The following GRM7 variants were observed in gnomAD, a reference collection of about 807,000 sequenced individuals.
The protein encoded by GRM7 is glutamate metabotropic receptor 7, also known as metabotropic glutamate receptor 7.
In GRM7, 35 loss-of-function variants were observed where a neutral mutation model predicts 84.5. The ratio of observed to expected loss-of-function variants is 0.41; its 90% CI spans 0.32 to 0.55. GRM7 has a LOEUF of 0.55. Ranked by LOEUF, GRM7 falls within the 20% of genes least tolerant of loss-of-function variation. GRM7 has a pLI of 0.19. For missense variants in GRM7, 1,003 were observed against 1,194.6 expected, an observed-to-expected ratio of 0.84 and a Z score of 2.36; for synonymous variants, 487 against 455.1, an observed-to-expected ratio of 1.07 and a Z score of -0.89.
chr3:7,594,531 T>C (rs1451167491), intron 8 of GRM7, among the ~76,000 whole-genome samples: 2 of 152,156 alleles, frequency 1.3e-5, no homozygotes, highest in Non-Finnish European at 2.9e-5. Context: ...AATGAGTTCA[T>C]TTGTTTTTCA....
In GRM7 at chr3:7,572,823, A is replaced by AATATAT. The variant is rs1158871205; in HGVS notation, c.1516-5547_1516-5542dup. Reference sequence around the variant, plus strand: ...GGCGACAGAGTGAGACTCTATCTCAAATATATATATATATATATATATATA... The same window carrying AATATAT: ...GGCGACAGAGTGAGACTCTATCTCAAATATATATATATATATATATATATATATATA... On this transcript the variant is annotated intron_variant, in intron 7 of 9. Coordinates refer to ENST00000357716, the MANE Select transcript of GRM7 (RefSeq NM_000844.4). Among the ~76,000 whole-genome samples, 52 of 12,364 alleles carry AATATAT rather than the reference A, an allele frequency of 4.2e-3. 1 individual carries two copies. Among genetic ancestry groups the AATATAT allele is most frequent in the African/African-American group, 6.1e-3 (17 of 2,792 alleles). The allele number at this position is 12,364 out of a possible 152,430, so 8.1% of individuals were successfully genotyped here. A position where few individuals can be genotyped will look rare whatever the true frequency, so the allele number is the denominator to read the frequency against.
intron 1 of GRM7, among the ~76,000 whole-genome samples, chr3:6,988,405 C>G (rs138389123): frequency 6.6e-6 from 1 of 151,940 alleles, no homozygotes; most frequent in Non-Finnish European, 1.5e-5. Context: ...ATACCAGATG[C>G]ATCCAGTGTT....
chr3:7,530,196 G>T (rs1036414334), intron 7 of GRM7, among the ~76,000 whole-genome samples: 3 of 146,784 alleles, frequency 2.0e-5, no homozygotes, highest in Non-Finnish European at 4.5e-5. Context: ...TGCAGTGTTT[G>T]GTTTTCTGTT....
rs542059578 is a variant in GRM7, at chr3:7,516,624, T to TC, written c.1515+54904dup. Among the ~76,000 whole-genome samples the TC allele has an allele frequency of 7.5e-3, 1,142 of 151,818 alleles. 16 individuals carry two copies. Among genetic ancestry groups the TC allele is most frequent in the Non-Finnish European group, 0.013 (851 of 68,004 alleles). ...GCAGGGGAAGCCAGATCACTGAAGG[T>TC]CCTTGGTGAGCATTCAGCGAGGACT... On this transcript the variant is annotated intron_variant, in intron 7 of 9. Transcript: ENST00000357716.
intron 4 of GRM7, among the ~76,000 whole-genome samples, chr3:7,326,833 CAAA>C (rs369799542): frequency 2.7e-5 from 3 of 109,920 alleles, no homozygotes; most frequent in Admixed American, 9.9e-5. Flanking sequence ...AACTCCGTCT[CAAA>C]AAAAAAAAAA....
intron 5 of GRM7, among the ~76,000 whole-genome samples, chr3:7,446,183 C>T (rs1319165119): frequency 6.6e-6 from 1 of 152,188 alleles, no homozygotes; most frequent in Non-Finnish European, 1.5e-5. Context: ...TCTAAAAGCA[C>T]TGCCAGCACA....
chr3:7,351,340 A>G (rs189953930), intron 4 of GRM7, among the ~76,000 whole-genome samples: 6,416 of 57,770 alleles, frequency 0.11, 164 homozygotes, highest in African/African-American at 0.2. Flanking sequence ...CCCACAGGCG[A>G]AAAAAAAAAA....
chr3:7,302,213 A>C (rs2125027008), intron 3 of GRM7, among the ~76,000 whole-genome samples: 1 of 152,290 alleles, frequency 6.6e-6, no homozygotes, highest in South Asian at 2.1e-4. Context: ...TAAAACCTGC[A>C]ATTCCAGCAC....
At chr3:7,497,833 T>A (rs1276787317) in intron 7 of GRM7, among the ~76,000 whole-genome samples, 1 of 152,176 alleles carries the variant, frequency 6.6e-6, no homozygotes, top group Admixed American at 6.5e-5. Flanking sequence ...CTCTCATGCA[T>A]AATGAAAATA....
intron 8 of GRM7, among the ~76,000 whole-genome samples, chr3:7,641,287 GA>G (rs774083560): frequency 3.3e-5 from 5 of 152,032 alleles, no homozygotes; most frequent in Non-Finnish European, 5.9e-5. Context: ...TTATCTGCTG[GA>G]ACTAAAAGGA....
intron 1 of GRM7, among the ~76,000 whole-genome samples, chr3:7,063,976 G>A (rs1223875381): frequency 6.7e-6 from 1 of 148,546 alleles, no homozygotes; most frequent in Non-Finnish European, 1.5e-5. Context: ...TGGTGGGTAT[G>A]CAGCGTGGGA....
intron 2 of GRM7, among the ~76,000 whole-genome samples, chr3:7,283,307 T>C (rs887139893): frequency 5.9e-5 from 9 of 152,074 alleles, no homozygotes; most frequent in Non-Finnish European, 1.3e-4. Flanking sequence ...CTTGTAAACA[T>C]TTTTGTGAGT....
chr3:7,223,588 G>C (rs555861576), intron 2 of GRM7, among the ~76,000 whole-genome samples: 128 of 151,630 alleles, frequency 8.4e-4, no homozygotes, highest in African/African-American at 3.0e-3. Context: ...TTATAGAAAT[G>C]TTTTATATTT....
At chr3:7,489,235 C>A (rs1158248469) in intron 7 of GRM7, among the ~76,000 whole-genome samples, 1 of 152,102 alleles carries the variant, frequency 6.6e-6, no homozygotes, top group Non-Finnish European at 1.5e-5. Context: ...ATTTTCTCTT[C>A]TTTTTCATTT....
intron 1 of GRM7, among the ~76,000 whole-genome samples, chr3:6,929,573 T>C (rs1212090138): frequency 2.0e-5 from 3 of 152,204 alleles, no homozygotes; most frequent in African/African-American, 7.2e-5. Context: ...ATTATGTCTA[T>C]CTGTTCATGC....
intron 1 of GRM7, among the ~76,000 whole-genome samples, chr3:6,971,916 T>C (rs1290994460): frequency 6.6e-6 from 1 of 152,208 alleles, no homozygotes; most frequent in Non-Finnish European, 1.5e-5. Flanking sequence ...TTTTAAAAGG[T>C]AATATTTATT....
rs142003594 is a variant in GRM7 at position 7,275,233 on chromosome 3, T to G, written c.737-23451T>G. Among the ~76,000 whole-genome samples the G allele has an allele frequency of 1.3e-3, 201 of 152,310 alleles. 1 individual carries two copies. Among genetic ancestry groups the G allele is most frequent in the African/African-American group, 4.5e-3 (187 of 41,582 alleles). On this transcript the variant is annotated intron_variant, in intron 2 of 9. Transcript: ENST00000357716. ...AGCACCTTCAGTTAATTATAGCTGT[T>G]TTAAATACGTGCTTCAATAATTCCA... is the stretch of plus-strand genomic sequence containing the variant.
chr3:7,729,366 T>A (rs189029876), intron 9 of GRM7, among the ~76,000 whole-genome samples: 4 of 152,302 alleles, frequency 2.6e-5, no homozygotes, highest in Admixed American at 6.5e-5. Flanking sequence ...GTTTTGCAGT[T>A]TAAAATAACT....
chr3:7,660,625 C>CT (rs1356903653), intron 8 of GRM7, among the ~76,000 whole-genome samples: 1 of 152,094 alleles, frequency 6.6e-6, no homozygotes, highest in African/African-American at 2.4e-5. Context: ...TCCCAACAGG[C>CT]TTCTTATAGA....
Sources: gnomAD v4.1 joint callset for allele counts (sites outside exome capture counted in the v4.1 genomes callset) on GRCh38, gnomAD v4.1.1 for gene constraint, MANE v1.5 for transcripts, NCBI Gene and HGNC (gene_info 2026-07-23, HGNC 2026-07-21) for gene names.